THADA: variants seen among roughly 807,000 people sequenced by gnomAD.
THADA encodes tRNA (32-2'-O)-methyltransferase regulator THADA.
THADA carries 213 observed loss-of-function variants against 219.8 expected under a neutral mutation model. The ratio of observed to expected loss-of-function variants is 0.97; its 90% CI spans 0.87 to 1.09. THADA has a LOEUF of 1.09. Ranked by LOEUF, THADA falls within the 50% of genes least tolerant of loss-of-function variation. The pLI, the probability that THADA is intolerant of heterozygous loss-of-function variation, is 0.00. For synonymous variants in THADA, 1,018 were observed against 828.9 expected (o/e 1.23, Z -3.92); for missense variants, 2,956 against 2,311.3 (o/e 1.28, Z -5.72).
At chr2:43,520,627 C>T (rs1692280609) in intron 22 of THADA, among the ~76,000 whole-genome samples, 1 of 151,762 alleles carries the variant, frequency 6.6e-6, no homozygotes, top group African/African-American at 2.4e-5. Context: ...GAGGTTGAGG[C>T]TGCAATGAGC....
chr2:43,301,876 C>G, intron 31 of THADA, among the ~76,000 whole-genome samples: 1 of 152,116 alleles, frequency 6.6e-6, no homozygotes, highest in East Asian at 1.9e-4. Flanking sequence ...CCTGGTGCAA[C>G]AACGTTTGTG....
intron 36 of THADA, among the ~76,000 whole-genome samples, chr2:43,276,653 G>A (rs1672756561): frequency 6.6e-6 from 1 of 152,150 alleles, no homozygotes; most frequent in African/African-American, 2.4e-5. Context: ...AGGAAGGCAG[G>A]ACAGAACCCA....
At position 43,495,051 on chromosome 2, in the gene THADA, T is replaced by C. The variant is rs147612567; in HGVS notation, c.3744+3782A>G. 2.0e-5 allele frequency among the ~76,000 whole-genome samples: 3 copies of C among 152,284 alleles called. No individual in the cohort carries two copies. In the East Asian group the frequency reaches 5.8e-4, roughly 29 times the overall value. On this transcript the variant is annotated intron_variant, in intron 25 of 37. Transcript: ENST00000405975. ...AGGCACAGTTATATTCCCAAGAGGA[T>C]GTGTACAAATCAAAGTTCTGCAAAT...
chr2:43,446,722 T>C (rs183569300), intron 26 of THADA, among the ~76,000 whole-genome samples: 20 of 152,340 alleles, frequency 1.3e-4, no homozygotes, highest in Non-Finnish European at 2.4e-4. Context: ...AACACAGTTA[T>C]AATACTGAAG....
At chr2:43,411,909 A>T (rs1676352852) in intron 28 of THADA, among the ~76,000 whole-genome samples, 1 of 152,204 alleles carries the variant, frequency 6.6e-6, no homozygotes, top group South Asian at 2.1e-4. Context: ...GACTTGGTAT[A>T]TTAATTTCAT....
intron 29 of THADA, among the ~76,000 whole-genome samples, chr2:43,396,830 A>G (rs1248601676): frequency 6.6e-6 from 1 of 152,120 alleles, no homozygotes; most frequent in Admixed American, 6.5e-5. Context: ...GAAGAAAGAA[A>G]AAAGAAAAAG....
At chr2:43,515,561 TGGAAAAAGCATA>T (rs913955572) in intron 22 of THADA, among the ~76,000 whole-genome samples, 1 of 148,174 alleles carries the variant, frequency 6.7e-6, no homozygotes, top group Non-Finnish European at 1.5e-5. Flanking sequence ...GTTCCATACC[TGGAAAAAGCATA>T]GCAAAATTGT....
At chr2:43,534,532 G>A (rs984706900) in intron 21 of THADA, among the ~76,000 whole-genome samples, 3 of 151,506 alleles carry the variant, frequency 2.0e-5, no homozygotes, top group Non-Finnish European at 4.4e-5. Context: ...TTTTTACTTC[G>A]AGTTCAACTT....
rs1284278037 is a variant in THADA, at chr2:43,475,196, C to T, written c.3836+10038G>A. Reference sequence around the variant, plus strand: ...CTTTGGGAGGCTGAGGTGGGTGGATCACTTGAGCTCAGGAATTTGAGACCA... The same window carrying T: ...CTTTGGGAGGCTGAGGTGGGTGGATTACTTGAGCTCAGGAATTTGAGACCA... On this transcript the variant is annotated intron_variant, in intron 26 of 37. Transcript: ENST00000405975. 2.0e-5 allele frequency among the ~76,000 whole-genome samples: 3 copies of T among 152,060 alleles called. No individual in the cohort carries two copies. In the East Asian group the frequency reaches 5.8e-4, roughly 29 times the overall value.
intron 23 of THADA, 33 bp downstream of exon 23, chr2:43,508,615 T>TA: frequency 6.2e-7 from 1 of 1,602,718 alleles, no homozygotes; most frequent in East Asian, 2.2e-5. Flanking sequence ...AAGACAAATA[T>TA]AAACAAACAG....
At chr2:43,514,499 C>T (rs868684832) in intron 22 of THADA, among the ~76,000 whole-genome samples, 20 of 121,100 alleles carry the variant, frequency 1.7e-4, no homozygotes, top group Admixed American at 9.2e-4. Flanking sequence ...ATAATATATA[C>T]GTATATTTTA....
chr2:43,474,742 T>G (rs1319980785), intron 26 of THADA, among the ~76,000 whole-genome samples: 1 of 152,182 alleles, frequency 6.6e-6, no homozygotes, highest in Admixed American at 6.5e-5. Flanking sequence ...ATTCAGAATT[T>G]GAGTGATCAT....
intron 26 of THADA, among the ~76,000 whole-genome samples, chr2:43,448,525 A>G (rs1199366129): frequency 6.6e-6 from 1 of 150,612 alleles, no homozygotes; most frequent in East Asian, 1.9e-4. Context: ...AGCAACTTGC[A>G]AGGAATTTAA....
At chr2:43,548,991 G>C (rs967622058) in intron 20 of THADA, among the ~76,000 whole-genome samples, 5 of 152,160 alleles carry the variant, frequency 3.3e-5, no homozygotes, top group African/African-American at 1.2e-4. Flanking sequence ...GACTGGAGCT[G>C]TTCCTATTCG....
intron 23 of THADA, among the ~76,000 whole-genome samples, chr2:43,506,111 T>C (rs182158981): frequency 8.5e-4 from 130 of 152,300 alleles, no homozygotes; most frequent in Non-Finnish European, 4.3e-4. Context: ...AACAAGAAAA[T>C]TCTCTTTACT....
intron 26 of THADA, among the ~76,000 whole-genome samples, chr2:43,461,163 G>C (rs1683596167): frequency 6.6e-6 from 1 of 152,246 alleles, no homozygotes; most frequent in African/African-American, 2.4e-5. Flanking sequence ...TTGAAGTTTT[G>C]GCATAGGAGT....
Position 43,571,744 on chromosome 2 carries a change from G to T in THADA, c.2027C>A (p.Pro676Gln). ...AGAACAGATCTGTTGCCGCACTCCT[G>T]GAGACTGGCTGTTAAGATTGTATGT... is the stretch of plus-strand genomic sequence containing the variant. Reference protein sequence around the residue: ...FITYNLNSQSPGVRQQICSLL... With the variant: ...FITYNLNSQSQGVRQQICSLL... Residue 676 changes from proline (P) to glutamine (Q), a missense_variant, in exon 13 of 38, where the codon CCA (proline) becomes CAA (glutamine). Pro to Gln is a moderately conservative substitution (Grantham distance 76). Transcript: ENST00000405975. 3 of 1,613,820 alleles carry T rather than the reference G, an allele frequency of 1.9e-6. No homozygotes were observed. The highest frequency in any genetic ancestry group is 2.5e-6 in the Non-Finnish European group (3 of 1,179,826).
At chr2:43,547,131 A>G (rs567220787) in intron 20 of THADA, among the ~76,000 whole-genome samples, 14 of 152,090 alleles carry the variant, frequency 9.2e-5, no homozygotes, top group African/African-American at 2.9e-4. Flanking sequence ...TCACTTATGA[A>G]GCTTAGTTTG....
intron 28 of THADA, among the ~76,000 whole-genome samples, chr2:43,405,240 A>C (rs1270346313): frequency 6.6e-6 from 1 of 152,132 alleles, no homozygotes; most frequent in Admixed American, 6.5e-5. Context: ...TTCCTTTTTA[A>C]TTCTGTGTGG....
Sources: allele counts gnomAD v4.1 joint callset (sites outside exome capture counted in the v4.1 genomes callset), GRCh38; gene constraint gnomAD v4.1.1; transcripts MANE v1.5; gene names NCBI Gene and HGNC (gene_info 2026-07-23, HGNC 2026-07-21).